The following NRG1 variants were observed in gnomAD, a reference collection of about 807,000 sequenced individuals.
The protein encoded by NRG1 is neuregulin 1, also known as pro-neuregulin-1, membrane-bound isoform.
Under a neutral mutation model 63.8 loss-of-function variants are expected in NRG1, and 18 were observed. That is an observed-to-expected ratio of 0.28 (90% CI 0.19 to 0.42). The LOEUF (loss-of-function observed/expected upper bound fraction) is 0.42. Ranked by LOEUF, NRG1 falls within the 10% of genes least tolerant of loss-of-function variation. The probability of loss-of-function intolerance (pLI) is 1.00; values close to 1 mark genes in which losing one functional copy is unlikely to be tolerated. For synonymous variants in NRG1, 302 were observed against 301.3 expected (o/e 1.00, Z -0.02); for missense variants, 762 against 814.7 (o/e 0.94, Z 0.79).
At chr8:32,325,298 G>A (rs1016518605) in intron 1 of NRG1, among the ~76,000 whole-genome samples, 3 of 152,110 alleles carry the variant, frequency 2.0e-5, no homozygotes, top group African/African-American at 4.8e-5. Flanking sequence ...CAGCTGTTAC[G>A]GGGTGGGGCA....
At chr8:31,825,486 CA>C (rs1824460720) in intron 1 of NRG1, among the ~76,000 whole-genome samples, 1 of 151,952 alleles carries the variant, frequency 6.6e-6, no homozygotes, top group South Asian at 2.1e-4. Context: ...AGTGTCTGAA[CA>C]GAGGAATTTC....
At chr8:32,407,695 G>T (rs963872370) in intron 1 of NRG1, among the ~76,000 whole-genome samples, 3 of 152,014 alleles carry the variant, frequency 2.0e-5, no homozygotes, top group Non-Finnish European at 4.4e-5. Flanking sequence ...ACACAGCCTC[G>T]CTGAAAGTAT....
At position 32,695,386 on chromosome 8, in the gene NRG1, A is replaced by G. The variant is rs367712593; in HGVS notation, c.503-32563A>G. On this transcript the variant is annotated intron_variant, in intron 5 of 11. Transcript: ENST00000356819. ...GAGAGAGAGGGTGAGAGAGAGAGAG[A>G]GGAAGGAAGGAAGGAGAAAAGAAAA... 1.3e-3 allele frequency among the ~76,000 whole-genome samples: 199 copies of G among 152,066 alleles called. 1 individual carries two copies. The highest frequency in any genetic ancestry group is 4.7e-3 in the African/African-American group (194 of 41,456).
At chr8:32,748,547 G>T (rs1564099404) in intron 7 of NRG1, 1 of 244,518 alleles carries the variant, frequency 4.1e-6, no homozygotes, top group Non-Finnish European at 8.2e-6. Flanking sequence ...GCCTCTGCAG[G>T]TTCTGCTGTT....
intron 1 of NRG1, among the ~76,000 whole-genome samples, chr8:31,840,713 G>C (rs16878332): frequency 6.6e-6 from 1 of 152,068 alleles, no homozygotes; most frequent in African/African-American, 2.4e-5. Flanking sequence ...TTTTCTCTGT[G>C]TGACGGAGGT....
chr8:32,072,703 T>G (rs1236879423), intron 1 of NRG1, among the ~76,000 whole-genome samples: 1 of 152,202 alleles, frequency 6.6e-6, no homozygotes, highest in Non-Finnish European at 1.5e-5. Context: ...TTATTTTAAA[T>G]TGAATCTGAA....
intron 1 of NRG1, among the ~76,000 whole-genome samples, chr8:31,918,169 C>T (rs1833576039): frequency 6.6e-6 from 1 of 152,194 alleles, no homozygotes; most frequent in Non-Finnish European, 1.5e-5. Context: ...TTGACTTCCT[C>T]TTTTCCTAAT....
intron 1 of NRG1, among the ~76,000 whole-genome samples, chr8:31,898,598 G>A (rs1831800548): frequency 1.3e-5 from 2 of 152,122 alleles, no homozygotes; most frequent in South Asian, 2.1e-4. Flanking sequence ...CAGCTACTTG[G>A]GATACTGAGG....
chr8:32,387,699 C>A (rs1443839865), intron 1 of NRG1, among the ~76,000 whole-genome samples: 1 of 149,320 alleles, frequency 6.7e-6, no homozygotes, highest in South Asian at 2.2e-4. Context: ...AACAATTAAG[C>A]TTTTAGTGGT....
intron 1 of NRG1, among the ~76,000 whole-genome samples, chr8:31,853,688 C>A (rs1279531595): frequency 6.0e-5 from 9 of 150,816 alleles, no homozygotes; most frequent in African/African-American, 2.2e-4. Flanking sequence ...CTGTCTTGTG[C>A]CAGTTTTCAA....
At chr8:32,144,369 G>A (rs1211105390) in intron 1 of NRG1, among the ~76,000 whole-genome samples, 5 of 151,726 alleles carry the variant, frequency 3.3e-5, no homozygotes, top group African/African-American at 4.9e-5. Context: ...GCTGTATATA[G>A]TATGTGTGTT....
At chr8:32,602,765 C>T (rs1324518220) in intron 2 of NRG1, among the ~76,000 whole-genome samples, 2 of 151,924 alleles carry the variant, frequency 1.3e-5, no homozygotes, top group African/African-American at 2.4e-5. Context: ...AAATGTTGGG[C>T]TGGAAAATCT....
intron 1 of NRG1, among the ~76,000 whole-genome samples, chr8:32,220,274 G>T (rs1845673260): frequency 6.6e-6 from 1 of 152,144 alleles, no homozygotes; most frequent in African/African-American, 2.4e-5. Context: ...TTGCTTAGAG[G>T]CTCTTGCTCA....
At chr8:32,304,129 T>A (rs1855934565) in intron 1 of NRG1, among the ~76,000 whole-genome samples, 1 of 152,246 alleles carries the variant, frequency 6.6e-6, no homozygotes, top group Admixed American at 6.5e-5. Context: ...CTTTTAAAAT[T>A]CTTCTGAGTG....
chr8:32,119,686 C>T (rs1234825186), intron 1 of NRG1, among the ~76,000 whole-genome samples: 2 of 152,006 alleles, frequency 1.3e-5, no homozygotes, highest in Non-Finnish European at 2.9e-5. Context: ...CTTTCCCCTC[C>T]AGCTAGATGA....
intron 1 of NRG1, among the ~76,000 whole-genome samples, chr8:32,233,553 ATATATATATATTT>A (rs1847195440): frequency 2.6e-5 from 2 of 76,142 alleles, no homozygotes; most frequent in African/African-American, 9.7e-5. Context: ...ATATATATAT[ATATATATATATTT>A]TTTTTTTTTT....
intron 1 of NRG1, among the ~76,000 whole-genome samples, chr8:32,525,089 A>G (rs1447351648): frequency 6.6e-6 from 1 of 152,196 alleles, no homozygotes; most frequent in Admixed American, 6.5e-5. Context: ...TAGGTTGTGT[A>G]TGTATCACAA....
chr8:32,194,291 A>G (rs972407587), intron 1 of NRG1, among the ~76,000 whole-genome samples: 11 of 152,236 alleles, frequency 7.2e-5, no homozygotes, highest in African/African-American at 2.4e-4. Flanking sequence ...AAAGTTCCAC[A>G]CATCATCTGA....
chr8:32,079,773 C>G (rs151073148), intron 1 of NRG1, among the ~76,000 whole-genome samples: 1,544 of 152,054 alleles, frequency 0.01, 29 homozygotes, highest in South Asian at 0.084. Flanking sequence ...GGGTTTCTTC[C>G]CACACAAGAC....
Sources: allele counts gnomAD v4.1 joint callset (sites outside exome capture counted in the v4.1 genomes callset), GRCh38; gene constraint gnomAD v4.1.1; transcripts MANE v1.5; gene names NCBI Gene and HGNC (gene_info 2026-07-23, HGNC 2026-07-21).